The following RTKN2 variants were observed in gnomAD, a reference collection of about 807,000 sequenced individuals.
The protein encoded by RTKN2 is rhotekin-2.
Under a neutral mutation model 71.5 loss-of-function variants are expected in RTKN2, and 69 were observed. The ratio of observed to expected loss-of-function variants is 0.96; its 90% CI spans 0.79 to 1.18. The LOEUF (loss-of-function observed/expected upper bound fraction) is 1.18. RTKN2 is among the 50% of genes most tolerant of loss of function. The pLI is 0.00. For synonymous variants in RTKN2, 236 were observed against 236.5 expected (o/e 1.00, Z 0.02); for missense variants, 724 against 719.7 (o/e 1.01, Z -0.07).
intron 6 of RTKN2, among the ~76,000 whole-genome samples, chr10:62,231,952 T>C (rs932847524): frequency 1.3e-5 from 2 of 152,112 alleles, no homozygotes; most frequent in Non-Finnish European, 2.9e-5. Flanking sequence ...CAGGTAAGAG[T>C]AGTCCCGGGC....
intron 3 of RTKN2, 114 bp from the exon 4 acceptor site, chr10:62,241,309 GTGT>G: frequency 1.6e-6 from 1 of 610,770 alleles, no homozygotes; most frequent in Non-Finnish European, 2.9e-6. Flanking sequence ...CTAAAATAAA[GTGT>G]TATTATTTAA....
chr10:62,261,858 ACT>A (rs1842780367), intron 2 of RTKN2, among the ~76,000 whole-genome samples: 1 of 151,990 alleles, frequency 6.6e-6, no homozygotes, highest in Non-Finnish European at 1.5e-5. Context: ...CTAACAAGAA[ACT>A]CTTCCCTTGT....
At chr10:62,228,944 ATACT>A (rs1251522176) in intron 6 of RTKN2, among the ~76,000 whole-genome samples, 2 of 152,230 alleles carry the variant, frequency 1.3e-5, no homozygotes, top group Non-Finnish European at 2.9e-5. Flanking sequence ...AACATGTGAA[ATACT>A]TACCTTGAAG....
At chr10:62,235,352 A>G (rs968358538) in intron 6 of RTKN2, among the ~76,000 whole-genome samples, 15 of 152,284 alleles carry the variant, frequency 9.9e-5, no homozygotes, top group Admixed American at 8.5e-4. Flanking sequence ...AATATTTTCT[A>G]TAAGAATAAA....
chr10:62,240,577 T>C (rs79193624), intron 4 of RTKN2, among the ~76,000 whole-genome samples: 2,600 of 152,286 alleles, frequency 0.017, 36 homozygotes, highest in Middle Eastern at 0.044. Flanking sequence ...GCTATCACAA[T>C]AGACAAGAAA....
At chr10:62,245,675 AAC>A (rs1415204479) in intron 3 of RTKN2, among the ~76,000 whole-genome samples, 1 of 152,170 alleles carries the variant, frequency 6.6e-6, no homozygotes, top group Non-Finnish European at 1.5e-5. Flanking sequence ...GCAGGAAAGG[AAC>A]AGAGTCAAAA....
Position 62,196,756 on chromosome 10 carries a change from C to A in RTKN2, c.*1152G>T. The A allele has an allele frequency of 1.0e-6, 1 of 980,278 alleles. No homozygotes were observed. The highest frequency in any genetic ancestry group is 1.2e-6 in the Non-Finnish European group (1 of 825,330). The allele number at this position is 980,278 out of a possible 1,614,324, so 60.7% of individuals were successfully genotyped here. On this transcript the variant is annotated 3_prime_UTR_variant, in exon 12 of 12. Transcript: ENST00000373789. Reference sequence around the variant, plus strand: ...ATGGAAACTGTTTTATTTGGAAATTCTAATTAGATTTTTAAAACTGTTCTG... The same window carrying A: ...ATGGAAACTGTTTTATTTGGAAATTATAATTAGATTTTTAAAACTGTTCTG...
chr10:62,197,830 T>C lies in RTKN2; in HGVS notation c.*78A>G. 6.8e-7 allele frequency: 1 copy of C among 1,468,912 alleles called. No homozygotes were observed. The highest frequency in any genetic ancestry group is 9.0e-7 in the Non-Finnish European group (1 of 1,106,340). 91.0% of individuals were successfully genotyped at this position (1,468,912 alleles called of 1,614,324 possible). A position where few individuals can be genotyped will look rare whatever the true frequency, so the allele number is the denominator to read the frequency against. On this transcript the variant is annotated 3_prime_UTR_variant, in exon 12 of 12. Coordinates refer to ENST00000373789, the MANE Select transcript of RTKN2 (RefSeq NM_145307.4). ...AAATCACTATATTTACCTATATAATTACACATTATTCTATAATGCCTCTGA... is the reference window on the plus strand; with the variant it reads ...AAATCACTATATTTACCTATATAATCACACATTATTCTATAATGCCTCTGA...
chr10:62,201,423 A>G (rs1012583344), intron 10 of RTKN2, among the ~76,000 whole-genome samples: 3 of 152,148 alleles, frequency 2.0e-5, no homozygotes, highest in African/African-American at 7.2e-5. Flanking sequence ...ACAGCAACTG[A>G]TAAAGGGAAT....
At chr10:62,223,749 G>A (rs550515586) in intron 6 of RTKN2, among the ~76,000 whole-genome samples, 1 of 152,162 alleles carries the variant, frequency 6.6e-6, no homozygotes, top group Non-Finnish European at 1.5e-5. Flanking sequence ...TACCACCTCT[G>A]TGGAAAACAT....
At chr10:62,247,022 T>C (rs2133044113) in intron 2 of RTKN2, among the ~76,000 whole-genome samples, 1 of 152,140 alleles carries the variant, frequency 6.6e-6, no homozygotes, top group East Asian at 1.9e-4. Flanking sequence ...TCCTATTTAA[T>C]TTGGTCAGCT....
In RTKN2 at chr10:62,195,266, T is replaced by C. The variant is rs12245945; in HGVS notation, c.*2642A>G. 191,436 of 982,852 alleles carry C rather than the reference T, an allele frequency of 0.19. 20,839 individuals carry two copies. Among genetic ancestry groups the C allele is most frequent in the African/African-American group, 0.43 (24,716 of 57,164 alleles). 60.9% of individuals were successfully genotyped at this position (982,852 alleles called of 1,614,324 possible). A position where few individuals can be genotyped will look rare whatever the true frequency, so the allele number is the denominator to read the frequency against. ...CAGCTAACTCTTTGTTTCAAGTTTA[T>C]AGTCTTCATATATCAAGAAACAAAT... On this transcript the variant is annotated 3_prime_UTR_variant, in exon 12 of 12. Coordinates refer to ENST00000373789, the MANE Select transcript of RTKN2 (RefSeq NM_145307.4).
rs181233404 is a variant in RTKN2 at position 62,246,362 on chromosome 10, T to C, written c.258-305A>G. 1.9e-4 allele frequency among the ~76,000 whole-genome samples: 29 copies of C among 152,214 alleles called. No individual in the cohort carries two copies. In the East Asian group the frequency reaches 5.2e-3, roughly 27 times the overall value. Reference sequence around the variant, plus strand: ...ATATCTGTAAACAAGATGTACAATATTTGTCCATGTCCCCAGAAGTATAAT... The same window carrying C: ...ATATCTGTAAACAAGATGTACAATACTTGTCCATGTCCCCAGAAGTATAAT... On this transcript the variant is annotated intron_variant, in intron 2 of 11. Coordinates refer to ENST00000373789, the MANE Select transcript of RTKN2 (RefSeq NM_145307.4).
intron 2 of RTKN2, among the ~76,000 whole-genome samples, chr10:62,259,528 A>G (rs1225074344): frequency 6.6e-6 from 1 of 152,078 alleles, no homozygotes; most frequent in Non-Finnish European, 1.5e-5. Context: ...AATAATTCAT[A>G]TTTATTTTTC....
Position 62,199,865 on chromosome 10 carries a change from A to C in RTKN2, c.1187-4T>G. 1 of 1,583,768 alleles carries C rather than the reference A, an allele frequency of 6.3e-7. No homozygotes were observed. On this transcript the variant is annotated splice_region_variant and splice_polypyrimidine_tract_variant and intron_variant, in intron 10 of 11. Transcript: ENST00000373789. ...TCACAACAGTGCTTCCATTGGCCTA[A>C]GACAGACAGAAAAAAGGTAGACTAG...
At chr10:62,262,544 G>T (rs1205644625) in intron 2 of RTKN2, 81 bp downstream of exon 2, 1 of 926,224 alleles carries the variant, frequency 1.1e-6, no homozygotes, top group Non-Finnish European at 1.6e-6. Context: ...TTTGACATTG[G>T]TACTTAAGCT....
Position 62,193,586 on chromosome 10 carries a change from T to C in RTKN2, c.*4322A>G, listed in dbSNP as rs1841265161. 2 of 984,898 alleles carry C rather than the reference T, an allele frequency of 2.0e-6. No individual in the cohort carries two copies. The highest frequency in any genetic ancestry group is 2.4e-6 in the Non-Finnish European group (2 of 829,572). The allele number at this position is 984,898 out of a possible 1,614,324, so 61.0% of individuals were successfully genotyped here. ...CAGATTTAGAAATAAAATGCTGAAA[T>C]AATCCAACTGAGCCAGGATTGCTCA... On this transcript the variant is annotated 3_prime_UTR_variant, in exon 12 of 12. Coordinates refer to ENST00000373789, the MANE Select transcript of RTKN2 (RefSeq NM_145307.4).
In RTKN2 at chr10:62,239,691, CCA is replaced by C. The variant is rs761064589; in HGVS notation, c.443_444del (p.Val148GlyfsTer2). 2 of 1,570,406 alleles carry C rather than the reference CCA, an allele frequency of 1.3e-6. No homozygotes were observed. Among genetic ancestry groups the C allele is most frequent in the African/African-American group, 2.7e-5 (2 of 73,590 alleles). ...ANVFDTDVVN[V>X]DKTITDICFE... ...AAACATATATCTGTGATTGTTTTAT[CCA>C]CATTCACCACATCAGTATCAAACAC... On this transcript the variant is annotated frameshift_variant, in exon 5 of 12. Coordinates refer to ENST00000373789, the MANE Select transcript of RTKN2 (RefSeq NM_145307.4). LOFTEE classifies it high-confidence loss of function.
At chr10:62,222,259 C>T (rs1017127257) in intron 7 of RTKN2, among the ~76,000 whole-genome samples, 20 of 152,060 alleles carry the variant, frequency 1.3e-4, no homozygotes, top group Admixed American at 1.1e-3. Context: ...CATGCATGCA[C>T]GACCATGGCC....
Sources: gnomAD v4.1 joint callset for allele counts (sites outside exome capture counted in the v4.1 genomes callset) on GRCh38, gnomAD v4.1.1 for gene constraint, MANE v1.5 for transcripts, NCBI Gene and HGNC (gene_info 2026-07-23, HGNC 2026-07-21) for gene names.